The following SIRT3 variants were observed in gnomAD, a reference collection of about 807,000 sequenced individuals.
SIRT3 encodes NAD-dependent protein deacetylase sirtuin-3, mitochondrial.
In SIRT3, 26 loss-of-function variants were observed where a neutral mutation model predicts 33.5. That is an observed-to-expected ratio of 0.78 (90% CI 0.57 to 1.08). The LOEUF is 1.08. Ranked by LOEUF, SIRT3 falls within the 50% of genes least tolerant of loss-of-function variation. SIRT3 has a pLI of 0.00. For synonymous variants in SIRT3, 237 were observed against 222.1 expected (o/e 1.07, Z -0.60); for missense variants, 585 against 530.1 (o/e 1.10, Z -1.02).
upstream of SIRT3, chr11:236,892 G>A (rs1236927811): frequency 7.5e-6 from 5 of 665,058 alleles, no homozygotes; most frequent in Non-Finnish European, 1.3e-5. Context: ...GAGACGCGCT[G>A]TAACCGAGCA....
At position 215,139 on chromosome 11, in the gene SIRT3, G is replaced by GTTATCAAATAAA; in HGVS notation, c.*1558_*1559insTTTATTTGATAA. ...TGTATGTGTAAATTATCAAATAAAG[G>GTTATCAAATAAA]GGCCAGGCACAGTGGCTCATGCCTG... On this transcript the variant is annotated 3_prime_UTR_variant, in exon 7 of 7. Coordinates refer to ENST00000382743, the MANE Select transcript of SIRT3 (RefSeq NM_012239.6). The GTTATCAAATAAA allele has an allele frequency of 6.5e-6, 1 of 154,542 alleles. No homozygotes were observed. Among genetic ancestry groups the GTTATCAAATAAA allele is most frequent in the Non-Finnish European group, 1.4e-5 (1 of 69,480 alleles). The allele number at this position is 154,542 out of a possible 1,614,324, so 9.6% of individuals were successfully genotyped here.
intron 6 of SIRT3, among the ~76,000 whole-genome samples, chr11:217,276 C>G (rs747327305): frequency 6.6e-6 from 1 of 152,172 alleles, no homozygotes; most frequent in Non-Finnish European, 1.5e-5. Flanking sequence ...ATGATGAAAT[C>G]CCATCTCTAA....
intron 3 of SIRT3, among the ~76,000 whole-genome samples, chr11:231,267 G>A (rs1334847630): frequency 6.6e-6 from 1 of 152,084 alleles, no homozygotes; most frequent in Admixed American, 6.6e-5. Context: ...AGTGAGACTT[G>A]TCTTAAAAAA....
intron 6 of SIRT3, among the ~76,000 whole-genome samples, chr11:217,668 G>A (rs1042422748): frequency 2.1e-4 from 32 of 152,254 alleles, no homozygotes; most frequent in African/African-American, 7.5e-4. Flanking sequence ...TGGACTGGTG[G>A]AGGTGAGGAG....
chr11:228,983 C>T (rs894425464), intron 4 of SIRT3, among the ~76,000 whole-genome samples: 1 of 152,228 alleles, frequency 6.6e-6, no homozygotes, highest in Non-Finnish European at 1.5e-5. Flanking sequence ...TATCATGAAT[C>T]ATTAGGAAAA....
At position 236,173 on chromosome 11, in the gene SIRT3, G is replaced by T; in HGVS notation, c.156C>A (p.Gly52=). Residue 52 remains glycine, a synonymous_variant, in exon 1 of 7, where the codon GGC becomes GGA. Transcript: ENST00000382743. ...AGGGCTCACCGCGGGCCCCATGGCTGCCTCTCAGCCCCGCACTCACATCGT... is the reference window on the plus strand; with the variant it reads ...AGGGCTCACCGCGGGCCCCATGGCTTCCTCTCAGCCCCGCACTCACATCGT... ...GRDDVSAGLR[G]SHGARGEPLD... is the part of the protein sequence containing the mutation. 1 of 1,564,678 alleles carries T rather than the reference G, an allele frequency of 6.4e-7. No homozygotes were observed.
intron 4 of SIRT3, chr11:225,737 G>A (rs1461057995): frequency 1.3e-5 from 2 of 152,268 alleles, no homozygotes; most frequent in Non-Finnish European, 1.5e-5. Flanking sequence ...GCAGGAGAGA[G>A]AAGGTCTAAT....
Position 224,181 on chromosome 11 carries a change from G to T in SIRT3, c.866C>A (p.Pro289His), listed in dbSNP as rs200209873. The T allele has an allele frequency of 1.3e-5, 21 of 1,614,058 alleles. No individual in the cohort carries two copies. The highest frequency in any genetic ancestry group is 8.5e-7 in the Non-Finnish European group (1 of 1,180,054). The change falls in exon 5 of 7, where the codon CCC (proline) becomes CAC (histidine). Residue 289 changes from proline (P) to histidine (H), a missense_variant. Pro to His is a moderately conservative substitution (Grantham distance 77, BLOSUM62 -2). Transcript: ENST00000382743. ...RCPVCTGVVK[P>H]DIVFFGEPLP... ...CGGCTCCCCAAAGAACACAATGTCG[G>T]GCTTCACAACGCCGGTGCAGACCGG...
intron 1 of SIRT3, among the ~76,000 whole-genome samples, chr11:234,620 TTAGCCAGGA>T (rs1020121569): frequency 3.3e-5 from 5 of 152,044 alleles, no homozygotes; most frequent in Admixed American, 1.3e-4. Flanking sequence ...TTTCACTGTG[TTAGCCAGGA>T]TGGTCTCGAT....
chr11:219,161 A>G, intron 5 of SIRT3, 120 bp from the exon 6 acceptor site: 1 of 1,295,336 alleles, frequency 7.7e-7, no homozygotes, highest in Non-Finnish European at 1.0e-6. Context: ...AGCCTGCGAT[A>G]TAGGGAAAAC....
chr11:223,762 C>G lies in SIRT3; in HGVS notation c.969+316G>C, dbSNP rs768445807. On this transcript the variant is annotated intron_variant, in intron 5 of 6. Transcript: ENST00000382743. The surrounding 1 kb of genome is among the most constrained non-coding windows in gnomAD (Gnocchi z 4.8). ...ACCCCAGCTGAATCCATTCACCTTC[C>G]CAAAGTGGCACCAGCCCTGGAAGGG... 1 of 1,016,912 alleles carries G rather than the reference C, an allele frequency of 9.8e-7. No homozygotes were observed. The highest frequency in any genetic ancestry group is 1.5e-6 in the Non-Finnish European group (1 of 652,778). The allele number at this position is 1,016,912 out of a possible 1,614,324, so 63.0% of individuals were successfully genotyped here.
At position 236,077 on chromosome 11, in the gene SIRT3, C is replaced by A; in HGVS notation, c.252G>T (p.Arg84Ser). The A allele has an allele frequency of 6.4e-7, 1 of 1,550,832 alleles. No homozygotes were observed. The highest frequency in any genetic ancestry group is 1.4e-5 in the African/African-American group (1 of 71,980). Residue 84 changes from arginine (R) to serine (S), a missense_variant, in exon 1 of 7, where the codon AGG (arginine) becomes AGT (serine). Coordinates refer to ENST00000382743, the MANE Select transcript of SIRT3 (RefSeq NM_012239.6). ...EVPRAFRRQPRAAAPSFFFSS... is the reference protein window; with the variant it reads ...EVPRAFRRQPSAAAPSFFFSS... The stretch of plus-strand genomic sequence containing the variant: ...AAAAGAAGAAACTGGGAGCTGCTGC[C>A]CTCGGCTGCCTCCGGAATGCCCTGG...
intron 2 of SIRT3, 37 bp downstream of exon 2, chr11:233,306 G>A (rs371091895): frequency 1.7e-5 from 27 of 1,603,976 alleles, no homozygotes; most frequent in Non-Finnish European, 1.4e-5. Context: ...AGTCAGGGGA[G>A]GGGAGCGCAG....
At chr11:231,124 CA>C (rs33939565) in intron 3 of SIRT3, among the ~76,000 whole-genome samples, 183 of 138,504 alleles carry the variant, frequency 1.3e-3, no homozygotes, top group East Asian at 6.7e-3. Flanking sequence ...GATTCTGTCT[CA>C]AAAAAAAAAA....
chr11:230,344 A>T, intron 4 of SIRT3, 108 bp downstream of exon 4: 1 of 517,222 alleles, frequency 1.9e-6, no homozygotes, highest in Non-Finnish European at 3.2e-6. Flanking sequence ...AATGTTTCAC[A>T]CTATTATTGT....
At chr11:225,097 CA>C (rs11385996) in intron 4 of SIRT3, among the ~76,000 whole-genome samples, 7 of 147,532 alleles carry the variant, frequency 4.7e-5, no homozygotes, top group East Asian at 2.0e-4. Context: ...ATTAAGGAAG[CA>C]AAAAAAAAAG....
Position 216,454 on chromosome 11 carries a change from A to G in SIRT3, c.*244T>C. On this transcript the variant is annotated 3_prime_UTR_variant, in exon 7 of 7. Transcript: ENST00000382743. ...GAGCTTCAGCAGAGTGAAGAGTTCA[A>G]CACAGCAAACAGGCAGGCAGCTCCT... 11 of 545,310 alleles carry G rather than the reference A, an allele frequency of 2.0e-5. No homozygotes were observed. Among genetic ancestry groups the G allele is most frequent in the Non-Finnish European group, 1.6e-5 (5 of 305,904 alleles). The allele number at this position is 545,310 out of a possible 1,614,324, so 33.8% of individuals were successfully genotyped here.
At chr11:232,674 A>C (rs1336655266) in intron 3 of SIRT3, among the ~76,000 whole-genome samples, 1 of 152,164 alleles carries the variant, frequency 6.6e-6, no homozygotes, top group Non-Finnish European at 1.5e-5. Flanking sequence ...GAAGAAAAAA[A>C]GAGATCATCA....
intron 3 of SIRT3, 120 bp from the exon 4 acceptor site, chr11:230,672 GATGT>G: frequency 3.8e-6 from 2 of 531,230 alleles, no homozygotes; most frequent in South Asian, 4.2e-5. Flanking sequence ...TTGGGGTTGT[GATGT>G]CCTCAAGCCT....
Sources: allele counts gnomAD v4.1 joint callset (sites outside exome capture counted in the v4.1 genomes callset), GRCh38; gene constraint gnomAD v4.1.1; non-coding constraint Gnocchi (gnomAD v3.1); transcripts MANE v1.5; gene names NCBI Gene and HGNC (gene_info 2026-07-23, HGNC 2026-07-21).